ZFHX3: variants seen among roughly 807,000 people sequenced by gnomAD.
ZFHX3 encodes the protein zinc finger homeobox protein 3.
A neutral mutation model predicts 279.1 loss-of-function variants in ZFHX3; 42 were observed. The ratio of observed to expected loss-of-function variants is 0.15; its 90% CI spans 0.12 to 0.19. The LOEUF (loss-of-function observed/expected upper bound fraction) is 0.19. ZFHX3 is among the 10% of genes least tolerant of loss of function. The pLI is 1.00. For missense variants in ZFHX3, 4,981 were observed against 4,754.0 expected, an observed-to-expected ratio of 1.05 and a Z score of -1.40; for synonymous variants, 2,293 against 1,957.8, an observed-to-expected ratio of 1.17 and a Z score of -4.52.
chr16:73,346,498 G>A (rs1034334060), intron 3 of ZFHX3, among the ~76,000 whole-genome samples: 1 of 152,298 alleles, frequency 6.6e-6, no homozygotes, highest in South Asian at 2.1e-4. Context: ...CTTATACAAA[G>A]TTTTGCTTTG....
At chr16:73,008,266 G>A (rs1170752098) in intron 1 of ZFHX3, among the ~76,000 whole-genome samples, 1 of 152,128 alleles carries the variant, frequency 6.6e-6, no homozygotes, top group Non-Finnish European at 1.5e-5. Flanking sequence ...GATATACAGA[G>A]TTCTCAATAT....
At chr16:72,877,204 G>C (rs903542371) in intron 4 of ZFHX3, among the ~76,000 whole-genome samples, 4 of 152,194 alleles carry the variant, frequency 2.6e-5, no homozygotes, top group Admixed American at 6.5e-5. Context: ...GGAATCAAAT[G>C]GCTGCAGAAT....
At chr16:73,416,234 A>G (rs1047003750) in intron 3 of ZFHX3, among the ~76,000 whole-genome samples, 28 of 152,126 alleles carry the variant, frequency 1.8e-4, no homozygotes, top group African/African-American at 6.7e-4. Context: ...ACAGACTGGG[A>G]TCACTGTAGG....
chr16:73,088,441 T>G (rs762056260), intron 8 of ZFHX3, among the ~76,000 whole-genome samples: 7 of 152,202 alleles, frequency 4.6e-5, no homozygotes, highest in Admixed American at 2.6e-4. Context: ...CATGAACCAC[T>G]GTGCCTGCCA....
intron 2 of ZFHX3, among the ~76,000 whole-genome samples, chr16:73,498,208 T>C (rs1567501977): frequency 6.6e-6 from 1 of 152,190 alleles, no homozygotes; most frequent in Non-Finnish European, 1.5e-5. Context: ...TTGAAGACCA[T>C]AGATGAAAGA....
chr16:73,223,924 T>C (rs1473658768), intron 5 of ZFHX3, among the ~76,000 whole-genome samples: 2 of 152,184 alleles, frequency 1.3e-5, no homozygotes, highest in African/African-American at 4.8e-5. Context: ...AAAGCCAGTC[T>C]GAAAAGACTA....
chr16:73,726,928 C>T, intron 1 of ZFHX3, among the ~76,000 whole-genome samples: 1 of 152,180 alleles, frequency 6.6e-6, no homozygotes, highest in Non-Finnish European at 1.5e-5. Flanking sequence ...AGCACGTTGC[C>T]CTCCAGTTGG....
chr16:73,727,570 C>T (rs1488717725), intron 1 of ZFHX3, among the ~76,000 whole-genome samples: 2 of 152,164 alleles, frequency 1.3e-5, no homozygotes, highest in Non-Finnish European at 1.5e-5. Context: ...TAAAATGAGA[C>T]CAGTTCTAAT....
At position 72,787,645 on chromosome 16, in the gene ZFHX3, A is replaced by C. The variant is rs746948562; in HGVS notation, c.10631T>G (p.Leu3544Arg). 1 of 1,610,204 alleles carries C rather than the reference A, an allele frequency of 6.2e-7. No individual in the cohort carries two copies. Among genetic ancestry groups the C allele is most frequent in the African/African-American group, 1.3e-5 (1 of 74,686 alleles). ...CAAGGCCGACTCGAGATGTTGACTC[A>C]GAGCTTCCTCCCCACAGAGCGCGCT... ...CESALCGEEA[L>R]SQHLESALHK... Residue 3544 changes from leucine (L) to arginine (R), a missense_variant, in exon 10 of 10, where the codon CTG becomes CGG. This residue lies in a region of ZFHX3 where 1,034 missense variants were observed against 786.0 expected (regional missense o/e 1.32). Transcript: ENST00000268489.
At chr16:73,209,044 GC>G (rs1474450266) in intron 5 of ZFHX3, among the ~76,000 whole-genome samples, 1 of 152,064 alleles carries the variant, frequency 6.6e-6, no homozygotes, top group African/African-American at 2.4e-5. Flanking sequence ...GGAAGAAATG[GC>G]CACTTATAAA....
At chr16:72,953,105 T>C (rs979041424) in intron 2 of ZFHX3, among the ~76,000 whole-genome samples, 8 of 152,178 alleles carry the variant, frequency 5.3e-5, no homozygotes, top group African/African-American at 1.9e-4. Flanking sequence ...TCAGTACAGG[T>C]TCTGCTAAGC....
chr16:72,885,225 A>G (rs2038594206), intron 4 of ZFHX3, among the ~76,000 whole-genome samples: 1 of 152,236 alleles, frequency 6.6e-6, no homozygotes, highest in South Asian at 2.1e-4. Context: ...GAGCTCCGCC[A>G]TGGCAGGGCC....
At chr16:73,273,302 T>C (rs2014202864) in intron 4 of ZFHX3, among the ~76,000 whole-genome samples, 1 of 152,128 alleles carries the variant, frequency 6.6e-6, no homozygotes, top group South Asian at 2.1e-4. Context: ...TATTAAAATA[T>C]AAAGAATGAA....
intron 8 of ZFHX3, chr16:73,092,649 T>C: frequency 3.8e-6 from 1 of 263,010 alleles, no homozygotes; most frequent in Non-Finnish European, 7.4e-6. Context: ...GAACGCCGTG[T>C]CTGGGGCTCC....
chr16:73,814,389 G>A (rs995188446), intron 1 of ZFHX3, among the ~76,000 whole-genome samples: 7 of 151,588 alleles, frequency 4.6e-5, no homozygotes, highest in Non-Finnish European at 8.8e-5. Flanking sequence ...ACAGCTTTCA[G>A]ATGGTGGAGA....
chr16:73,022,641 C>CT (rs1372085420), intron 1 of ZFHX3, among the ~76,000 whole-genome samples: 3 of 152,148 alleles, frequency 2.0e-5, no homozygotes, highest in Non-Finnish European at 4.4e-5. Context: ...ACCGCTGAAA[C>CT]TGAGTTTCAG....
rs893965451 is a variant in ZFHX3, at chr16:73,626,077, C to T, written c.-1547+54103G>A. ...TTCATCGTGTTAGCCAGGATGGTCTCGATCTCCTGACCTCGTGATCCGCCC... is the reference window on the plus strand; with the variant it reads ...TTCATCGTGTTAGCCAGGATGGTCTTGATCTCCTGACCTCGTGATCCGCCC... On this transcript the variant is annotated intron_variant, in intron 2 of 17. Transcript: ENST00000641206. 4.6e-5 allele frequency among the ~76,000 whole-genome samples: 7 copies of T among 152,178 alleles called. No homozygotes were observed. The South Asian group carries it at 1.2e-3, about 27-fold the overall frequency.
intron 3 of ZFHX3, among the ~76,000 whole-genome samples, chr16:73,399,717 G>T (rs1220488578): frequency 2.0e-5 from 3 of 152,116 alleles, no homozygotes. Context: ...GGACTGGAGA[G>T]ATGTGTCATT....
chr16:73,486,152 T>G (rs1043484487), intron 2 of ZFHX3, among the ~76,000 whole-genome samples: 1 of 152,192 alleles, frequency 6.6e-6, no homozygotes, highest in African/African-American at 2.4e-5. Context: ...CATGCTGACT[T>G]CCTAGAACTA....
Sources: gnomAD v4.1 joint callset for allele counts (sites outside exome capture counted in the v4.1 genomes callset) on GRCh38, gnomAD v4.1.1 for gene constraint, gnomAD v4.1.1 regional missense constraint, MANE v1.5 for transcripts, NCBI Gene and HGNC (gene_info 2026-07-23, HGNC 2026-07-21) for gene names.